YY1: variants seen among roughly 807,000 people sequenced by gnomAD.
YY1 encodes transcriptional repressor protein YY1.
YY1 carries 2 observed loss-of-function variants against 35.6 expected under a neutral mutation model. The ratio of observed to expected loss-of-function variants is 0.06; its 90% CI spans 0.02 to 0.18. The LOEUF (loss-of-function observed/expected upper bound fraction) is 0.18, where lower values mean the gene tolerates loss of function less well. YY1 is among the 10% of genes least tolerant of loss of function. YY1 has a pLI of 1.00. For synonymous variants in YY1, 268 were observed against 238.9 expected, an observed-to-expected ratio of 1.12 and a Z score of -1.12; for missense variants, 322 against 573.4, an observed-to-expected ratio of 0.56 and a Z score of 4.48.
At chr14:100,243,242 A>G (rs1595312210) in intron 1 of YY1, among the ~76,000 whole-genome samples, 1 of 152,226 alleles carries the variant, frequency 6.6e-6, no homozygotes, top group Non-Finnish European at 1.5e-5. Context: ...GTAAATCTGT[A>G]TGTATGTGTA....
At chr14:100,260,822 C>G (rs980829382) in intron 1 of YY1, among the ~76,000 whole-genome samples, 1 of 97,958 alleles carries the variant, frequency 1.0e-5, no homozygotes, top group African/African-American at 4.1e-5. Flanking sequence ...GAGGCAGAGT[C>G]TTGCTCTAGA....
chr14:100,282,010 A>G lies in YY1; in HGVS notation c.*4410A>G, dbSNP rs1021249230. 1 of 152,234 alleles carries G rather than the reference A, an allele frequency of 6.6e-6. No homozygotes were observed. Among genetic ancestry groups the G allele is most frequent in the African/African-American group, 2.4e-5 (1 of 41,444 alleles). The allele number at this position is 152,234 out of a possible 1,614,324, so 9.4% of individuals were successfully genotyped here. On this transcript the variant is annotated 3_prime_UTR_variant, in exon 5 of 5. Coordinates refer to ENST00000262238, the MANE Select transcript of YY1 (RefSeq NM_003403.5). ...GCATGTACTTGACACGTTATCACCC[A>G]GTCCCCTTGTAAAATCTGGAATGGA...
chr14:100,269,381 C>T (rs1473100841), intron 2 of YY1, among the ~76,000 whole-genome samples: 1 of 152,172 alleles, frequency 6.6e-6, no homozygotes, highest in Admixed American at 6.5e-5. Flanking sequence ...TAGAAGTCAC[C>T]TCCAAGTCAC....
At chr14:100,241,622 A>G (rs959282339) in intron 1 of YY1, among the ~76,000 whole-genome samples, 1 of 152,230 alleles carries the variant, frequency 6.6e-6, no homozygotes, top group African/African-American at 2.4e-5. Flanking sequence ...TTATCAAAAG[A>G]TAATTTCCAT....
intron 1 of YY1, among the ~76,000 whole-genome samples, chr14:100,249,760 G>GTTTTTTTTTT (rs34925666): frequency 1.4e-5 from 2 of 143,046 alleles, no homozygotes; most frequent in African/African-American, 5.3e-5. Flanking sequence ...TTTTTTTTTT[G>GTTTTTTTTTT]TTTGTTTTTG....
intron 1 of YY1, among the ~76,000 whole-genome samples, chr14:100,254,115 C>T (rs1239037048): frequency 2.6e-5 from 4 of 152,140 alleles, no homozygotes; most frequent in South Asian, 2.1e-4. Flanking sequence ...GGATTATAGG[C>T]GTGAGCCACC....
chr14:100,245,242 T>C (rs865864954), intron 1 of YY1, among the ~76,000 whole-genome samples: 1 of 152,196 alleles, frequency 6.6e-6, no homozygotes, highest in Non-Finnish European at 1.5e-5. Context: ...GTCCTGTTTC[T>C]TCTGTATTTA....
At chr14:100,271,865 A>G (rs1207639395) in intron 2 of YY1, among the ~76,000 whole-genome samples, 2 of 152,248 alleles carry the variant, frequency 1.3e-5, no homozygotes, top group East Asian at 3.9e-4. Context: ...GCTGTTATAC[A>G]GTATTTTAAA....
chr14:100,272,638 C>CTT (rs555477506), intron 2 of YY1, among the ~76,000 whole-genome samples: 28 of 141,132 alleles, frequency 2.0e-4, no homozygotes, highest in African/African-American at 6.5e-4. Context: ...CTTAGGTGGG[C>CTT]TTTTTTTTTT....
intron 2 of YY1, 143 bp downstream of exon 2, chr14:100,262,609 T>C: frequency 1.0e-6 from 1 of 972,676 alleles, no homozygotes; most frequent in South Asian, 1.6e-5. Flanking sequence ...TCAGTTTTAT[T>C]TGTTTGTTTT....
At chr14:100,253,479 G>A (rs1291996671) in intron 1 of YY1, among the ~76,000 whole-genome samples, 2 of 152,142 alleles carry the variant, frequency 1.3e-5, no homozygotes, top group African/African-American at 4.8e-5. Context: ...GTGCAGTGGC[G>A]TGATCTCGGC....
rs1891324595 is a variant in YY1 at position 100,276,729 on chromosome 14, G to A, written c.1062+81G>A. The A allele has an allele frequency of 4.4e-6, 7 of 1,602,634 alleles. No homozygotes were observed. In the South Asian group the frequency reaches 4.4e-5, roughly 10 times the overall value. On this transcript the variant is annotated intron_variant, in intron 4 of 4. Transcript: ENST00000262238. This position sits in a 1 kb window ranked among gnomAD's most constrained non-coding sequence, Gnocchi z 4.1. ...TGTAGGTGGTGTGGTGATGAGGCAGGAGGCGCCAGCCCAGAGACTCAGGGT... is the reference window on the plus strand; with the variant it reads ...TGTAGGTGGTGTGGTGATGAGGCAGAAGGCGCCAGCCCAGAGACTCAGGGT...
chr14:100,242,851 G>A (rs929563735), intron 1 of YY1, among the ~76,000 whole-genome samples: 135 of 151,612 alleles, frequency 8.9e-4, no homozygotes, highest in African/African-American at 3.1e-3. Flanking sequence ...CGGATTCAAG[G>A]GATTCTCATG....
intron 2 of YY1, among the ~76,000 whole-genome samples, chr14:100,274,023 A>G (rs1891285018): frequency 6.6e-6 from 1 of 152,174 alleles, no homozygotes. Flanking sequence ...GTATGAGAGT[A>G]TGTGGTGTTC....
Position 100,277,808 on chromosome 14 carries a change from C to T in YY1, c.*208C>T, listed in dbSNP as rs745476814. ...CATTGCTAAGATGCTCTATCTTGCT[C>T]TGTAATCTCGTTTCAAAAACACAGT... On this transcript the variant is annotated 3_prime_UTR_variant, in exon 5 of 5. Transcript: ENST00000262238. The surrounding 1 kb of genome is among the most constrained non-coding windows in gnomAD (Gnocchi z 5.6). The T allele has an allele frequency of 3.4e-6, 2 of 591,658 alleles. No homozygotes were observed. Among genetic ancestry groups the T allele is most frequent in the Admixed American group, 6.5e-5 (2 of 30,852 alleles). 36.7% of individuals were successfully genotyped at this position (591,658 alleles called of 1,614,324 possible). A position where few individuals can be genotyped will look rare whatever the true frequency, so the allele number is the denominator to read the frequency against.
chr14:100,275,336 T>A (rs962838117), intron 3 of YY1, among the ~76,000 whole-genome samples: 1 of 151,824 alleles, frequency 6.6e-6, no homozygotes, highest in Non-Finnish European at 1.5e-5. Context: ...AGAGATTGAG[T>A]GGAATAAAGA....
chr14:100,256,731 G>A (rs1338168201), intron 1 of YY1, among the ~76,000 whole-genome samples: 2 of 152,136 alleles, frequency 1.3e-5, no homozygotes, highest in Non-Finnish European at 2.9e-5. Context: ...AGTTTTTTGC[G>A]GGAATGAAGA....
At chr14:100,259,366 A>G (rs982439467) in intron 1 of YY1, among the ~76,000 whole-genome samples, 6 of 152,122 alleles carry the variant, frequency 3.9e-5, no homozygotes, top group Admixed American at 1.3e-4. Context: ...TAAAAATACA[A>G]ACGATTAGCT....
rs1891347792 is a variant in YY1, at chr14:100,277,899, T to C, written c.*299T>C. The stretch of plus-strand genomic sequence containing the variant: ...AACTTCGCATCAAAAGACAATTCTT[T>C]ATACAACAGTGCTAAAAATGGGACT... On this transcript the variant is annotated 3_prime_UTR_variant, in exon 5 of 5. Transcript: ENST00000262238. The surrounding 1 kb of genome is among the most constrained non-coding windows in gnomAD (Gnocchi z 5.6). 1 of 356,986 alleles carries C rather than the reference T, an allele frequency of 2.8e-6. No individual in the cohort carries two copies. Among genetic ancestry groups the C allele is most frequent in the Non-Finnish European group, 5.2e-6 (1 of 193,542 alleles). The allele number at this position is 356,986 out of a possible 1,614,324, so 22.1% of individuals were successfully genotyped here. A position where few individuals can be genotyped will look rare whatever the true frequency, so the allele number is the denominator to read the frequency against.
Sources: allele counts gnomAD v4.1 joint callset (sites outside exome capture counted in the v4.1 genomes callset), GRCh38; gene constraint gnomAD v4.1.1; non-coding constraint Gnocchi (gnomAD v3.1); transcripts MANE v1.5; gene names NCBI Gene and HGNC (gene_info 2026-07-23, HGNC 2026-07-21).